PKP2: variants seen among roughly 807,000 people sequenced by gnomAD.
The protein encoded by PKP2 is plakophilin 2, also known as plakophilin-2.
PKP2 carries 73 observed loss-of-function variants against 83.4 expected under a neutral mutation model. The ratio of observed to expected loss-of-function variants is 0.88; its 90% CI spans 0.72 to 1.06. The LOEUF is 1.06. Among genes scored for constraint, PKP2 ranks in the 50% least tolerant of loss-of-function variants. The probability of loss-of-function intolerance (pLI) is 0.00; values close to 1 mark genes in which losing one functional copy is unlikely to be tolerated. For synonymous variants in PKP2, 409 were observed against 430.4 expected (o/e 0.95, Z 0.62); for missense variants, 966 against 1,065.4 (o/e 0.91, Z 1.30).
At position 32,792,276 on chromosome 12, in the gene PKP2, G is replaced by T. The variant is rs1280609523; in HGVS notation, c.*148C>A. On this transcript the variant is annotated 3_prime_UTR_variant, in exon 13 of 13. Transcript: ENST00000340811. ...TCTTCTGGAAGACTCATAAAATTAT[G>T]TTCTATTTGTTTTCTGGATTCAGGG... is the stretch of plus-strand genomic sequence containing the variant. 5.6e-6 allele frequency: 4 copies of T among 715,036 alleles called. No homozygotes were observed. Among genetic ancestry groups the T allele is most frequent in the African/African-American group, 5.3e-5 (3 of 56,576 alleles). 44.3% of individuals were successfully genotyped at this position (715,036 alleles called of 1,614,324 possible).
intron 10 of PKP2, among the ~76,000 whole-genome samples, chr12:32,801,864 C>A (rs554348205): frequency 1.3e-5 from 2 of 151,920 alleles, no homozygotes; most frequent in Non-Finnish European, 2.9e-5. Flanking sequence ...CACAGTTACT[C>A]AAAAAAAATC....
intron 5 of PKP2, 74 bp from the exon 6 acceptor site, chr12:32,841,279 G>T: frequency 8.1e-7 from 1 of 1,240,038 alleles, no homozygotes; most frequent in Non-Finnish European, 1.2e-6. Flanking sequence ...TTCAGTCAAG[G>T]CCATCAACTC....
chr12:32,845,299 C>T (rs1565588474), intron 5 of PKP2, among the ~76,000 whole-genome samples: 1 of 152,142 alleles, frequency 6.6e-6, no homozygotes, highest in Non-Finnish European at 1.5e-5. Context: ...TGCCTGTAAT[C>T]CCAGCACTCT....
rs1220759009 is a variant in PKP2 at position 32,896,610 on chromosome 12, G to C, written c.122C>G (p.Ala41Gly). ...CTGGCCGCCGCGGCCGCTGCTCCCC[G>C]CCAGCTTCAGCTTGGCCTCGGAGGG... ...ALPSEAKLKLAGSSGRGGQTV... is the reference protein window; with the variant it reads ...ALPSEAKLKLGGSSGRGGQTV... Residue 41 changes from alanine (A) to glycine (G), a missense_variant, in exon 1 of 13, where the codon GCG becomes GGG. Ala to Gly is a moderately conservative substitution (Grantham distance 60, BLOSUM62 0). Transcript: ENST00000340811. The C allele has an allele frequency of 6.3e-7, 1 of 1,583,940 alleles. No individual in the cohort carries two copies. Among genetic ancestry groups the C allele is most frequent in the Non-Finnish European group, 8.5e-7 (1 of 1,174,334 alleles).
intron 3 of PKP2, among the ~76,000 whole-genome samples, chr12:32,871,378 C>T (rs1956895185): frequency 6.6e-6 from 1 of 152,138 alleles, no homozygotes; most frequent in African/African-American, 2.4e-5. Flanking sequence ...TCACCATAAC[C>T]TCAACCTCCT....
At chr12:32,892,906 C>G (rs1957088086) in intron 1 of PKP2, among the ~76,000 whole-genome samples, 1 of 146,912 alleles carries the variant, frequency 6.8e-6, no homozygotes, top group Admixed American at 7.0e-5. Flanking sequence ...TTTCCCTTTG[C>G]CAATACTTGC....
intron 9 of PKP2, among the ~76,000 whole-genome samples, chr12:32,807,349 C>T (rs1956235496): frequency 6.6e-6 from 1 of 152,092 alleles, no homozygotes; most frequent in Non-Finnish European, 1.5e-5. Flanking sequence ...AGGATTGCAA[C>T]CCTTGCTTTT....
chr12:32,796,026 C>CCG, intron 11 of PKP2, 83 bp downstream of exon 11: 1 of 1,184,156 alleles, frequency 8.4e-7, no homozygotes, highest in Non-Finnish European at 1.3e-6. Flanking sequence ...ATGGTCATGA[C>CCG]CGCACATTCA....
intron 11 of PKP2, among the ~76,000 whole-genome samples, chr12:32,793,816 C>T (rs922105258): frequency 2.0e-5 from 3 of 151,714 alleles, no homozygotes; most frequent in Non-Finnish European, 2.9e-5. Flanking sequence ...AGGGTGGTCT[C>T]GATCTCCTGA....
intron 2 of PKP2, 95 bp downstream of exon 2, chr12:32,878,825 G>T: frequency 2.5e-6 from 2 of 808,378 alleles, no homozygotes; most frequent in East Asian, 2.5e-5. Flanking sequence ...GATAATACTT[G>T]GGAAAAGTAA....
chr12:32,793,885 G>A (rs1168106899), intron 11 of PKP2, among the ~76,000 whole-genome samples: 4 of 152,036 alleles, frequency 2.6e-5, no homozygotes, highest in African/African-American at 7.2e-5. Context: ...GTGAGCCACT[G>A]TGCCCAGCCC....
chr12:32,820,305 C>A lies in PKP2; in HGVS notation c.2013+1051G>T, dbSNP rs1284511643. On this transcript the variant is annotated intron_variant, in intron 9 of 12. Transcript: ENST00000340811. ...AATTGGAGACTAGACAGACAATGAG[C>A]TATTTGGGGGGAGTTTATTCTAATC... 3 of 152,272 alleles carry A rather than the reference C, an allele frequency of 2.0e-5. No homozygotes were observed. In the East Asian group the frequency reaches 5.8e-4, roughly 29 times the overall value. 9.4% of individuals were successfully genotyped at this position (152,272 alleles called of 1,614,324 possible).
At chr12:32,817,343 C>T (rs1018970387) in intron 9 of PKP2, among the ~76,000 whole-genome samples, 7 of 152,200 alleles carry the variant, frequency 4.6e-5, no homozygotes, top group Non-Finnish European at 8.8e-5. Flanking sequence ...AGAAAACCTA[C>T]GAAACACCAT....
chr12:32,888,907 C>T (rs1050564350), intron 1 of PKP2, among the ~76,000 whole-genome samples: 4 of 151,806 alleles, frequency 2.6e-5, no homozygotes, highest in African/African-American at 7.3e-5. Context: ...TCTCCTGTCT[C>T]GGCCTCTCAA....
intron 1 of PKP2, among the ~76,000 whole-genome samples, chr12:32,883,964 C>T (rs1305870358): frequency 6.6e-6 from 1 of 152,096 alleles, no homozygotes; most frequent in Admixed American, 6.6e-5. Context: ...TTGAAGCAGA[C>T]CATATAAAAT....
intron 10 of PKP2, among the ~76,000 whole-genome samples, chr12:32,797,429 G>A (rs1395935496): frequency 1.3e-5 from 1 of 77,162 alleles, no homozygotes; most frequent in African/African-American, 4.5e-5. Context: ...CTGGGCAACA[G>A]AGAGAGACCC....
At chr12:32,797,478 C>T (rs1300550438) in intron 10 of PKP2, among the ~76,000 whole-genome samples, 1 of 136,648 alleles carries the variant, frequency 7.3e-6, no homozygotes, top group Non-Finnish European at 1.6e-5. Flanking sequence ...CATACTATTA[C>T]CAAAAAACCC....
intron 1 of PKP2, among the ~76,000 whole-genome samples, chr12:32,881,452 G>C (rs918727933): frequency 1.3e-5 from 2 of 152,086 alleles, no homozygotes; most frequent in African/African-American, 4.8e-5. Context: ...ATTAGAGATG[G>C]AGTCTCGCTA....
chr12:32,806,640 T>G (rs1213352785), intron 9 of PKP2, among the ~76,000 whole-genome samples: 1 of 151,534 alleles, frequency 6.6e-6, no homozygotes, highest in Non-Finnish European at 1.5e-5. Flanking sequence ...TCTTATTAAT[T>G]TTTTTCAAAA....
Sources: gnomAD v4.1 joint callset for allele counts (sites outside exome capture counted in the v4.1 genomes callset) on GRCh38, gnomAD v4.1.1 for gene constraint, MANE v1.5 for transcripts, NCBI Gene and HGNC (gene_info 2026-07-23, HGNC 2026-07-21) for gene names.